APOLD1: variants seen among roughly 807,000 people sequenced by gnomAD.
APOLD1 encodes apolipoprotein L domain-containing protein 1.
In APOLD1, 22 loss-of-function variants were observed where a neutral mutation model predicts 15.3. The ratio of observed to expected loss-of-function variants is 1.44; its 90% confidence interval spans 1.03 to 2.05. The LOEUF is 2.05. APOLD1 is among the 30% of genes most tolerant of loss of function. The probability of loss-of-function intolerance (pLI) is 0.00; values close to 1 mark genes in which losing one functional copy is unlikely to be tolerated. For missense variants in APOLD1, 394 were observed against 353.5 expected, an observed-to-expected ratio of 1.11 and a Z score of -0.92; for synonymous variants, 190 against 167.4, an observed-to-expected ratio of 1.13 and a Z score of -1.04.
intron 1 of APOLD1, among the ~76,000 whole-genome samples, chr12:12,779,430 A>T (rs1027814387): frequency 6.6e-6 from 1 of 152,186 alleles, no homozygotes; most frequent in African/African-American, 2.4e-5. Flanking sequence ...AATCGAACAA[A>T]TTAAACATTA....
At chr12:12,740,382 G>A (rs920371089) in intron 1 of APOLD1, among the ~76,000 whole-genome samples, 1 of 152,342 alleles carries the variant, frequency 6.6e-6, no homozygotes. Flanking sequence ...CTCCCAAGGT[G>A]CTGGGATTAC....
At chr12:12,772,033 T>C (rs1014672896) in intron 1 of APOLD1, among the ~76,000 whole-genome samples, 20 of 151,856 alleles carry the variant, frequency 1.3e-4, no homozygotes, top group Non-Finnish European at 1.6e-4. Context: ...AAACGCTCAA[T>C]TGTAACAACA....
Position 12,787,496 on chromosome 12 carries a change from C to A in APOLD1, c.591C>A (p.Ala197=). Residue 197 remains alanine (A), a synonymous_variant, in exon 2 of 2, where the codon GCC becomes GCA. Coordinates refer to ENST00000356591, the MANE Select transcript of APOLD1 (RefSeq NM_030817.3). This position sits in a 1 kb window ranked among gnomAD's most constrained non-coding sequence, Gnocchi z 4.9. ...AGGTTAGCCAGGCCGTGCTGAAGGC[C>A]AAGATTCAGAAACTGGCCGAGAGCC... ...DTKVSQAVLK[A]KIQKLAESLE... 1.2e-6 allele frequency: 2 copies of A among 1,614,124 alleles called. No individual in the cohort carries two copies. Among genetic ancestry groups the A allele is most frequent in the Non-Finnish European group, 1.7e-6 (2 of 1,180,046 alleles).
chr12:12,769,679 T>A (rs895628855), intron 1 of APOLD1, among the ~76,000 whole-genome samples: 1 of 152,208 alleles, frequency 6.6e-6, no homozygotes, highest in African/African-American at 2.4e-5. Context: ...AGAAATTACT[T>A]AACTGGAGCC....
rs1325673420 is a variant in APOLD1 at position 12,789,198 on chromosome 12, G to A, written c.*1546G>A. 1.3e-5 allele frequency: 2 copies of A among 152,188 alleles called. No homozygotes were observed. The highest frequency in any genetic ancestry group is 4.8e-5 in the African/African-American group (2 of 41,438). 9.4% of individuals were successfully genotyped at this position (152,188 alleles called of 1,614,324 possible). A position where few individuals can be genotyped will look rare whatever the true frequency, so the allele number is the denominator to read the frequency against. On this transcript the variant is annotated 3_prime_UTR_variant, in exon 2 of 2. Transcript: ENST00000356591. ...AAATAATAAGAGCAAGTTTCTAAAT[G>A]GGAGACTGCTGAGGCTCTTTGCAAG...
intron 1 of APOLD1, among the ~76,000 whole-genome samples, chr12:12,731,481 C>T (rs1009297224): frequency 6.6e-6 from 1 of 152,180 alleles, no homozygotes; most frequent in South Asian, 2.1e-4. Context: ...GTAGCACATA[C>T]ACCCACATAC....
chr12:12,729,742 A>G (rs1946621693), intron 1 of APOLD1, among the ~76,000 whole-genome samples: 1 of 152,054 alleles, frequency 6.6e-6, no homozygotes, highest in African/African-American at 2.4e-5. Context: ...ACTGCACTCC[A>G]GCCTGGCAGC....
Position 12,787,373 on chromosome 12 carries a change from G to A in APOLD1, c.468G>A (p.Gly156=). 6.2e-7 allele frequency: 1 copy of A among 1,614,156 alleles called. No homozygotes were observed. The highest frequency in any genetic ancestry group is 8.5e-7 in the Non-Finnish European group (1 of 1,180,034). The change falls in exon 2 of 2, where the codon GGG becomes GGA. Residue 156 remains glycine, a synonymous_variant. Transcript: ENST00000356591. This position sits in a 1 kb window ranked among gnomAD's most constrained non-coding sequence, Gnocchi z 4.9. ...GCGDRQLLQC[G]RNASIALYNS... Reference sequence around the variant, plus strand: ...GGGACCGCCAGCTGCTGCAGTGCGGGAGGAACGCCTCCATCGCCCTGTACA... The same window carrying A: ...GGGACCGCCAGCTGCTGCAGTGCGGAAGGAACGCCTCCATCGCCCTGTACA...
At chr12:12,733,639 G>A (rs1592288553) in intron 1 of APOLD1, among the ~76,000 whole-genome samples, 1 of 152,140 alleles carries the variant, frequency 6.6e-6, no homozygotes, top group Admixed American at 6.6e-5. Context: ...GTTTCGCTCT[G>A]TTGCCGAGGC....
intron 1 of APOLD1, among the ~76,000 whole-genome samples, chr12:12,751,591 T>A (rs1169596453): frequency 6.6e-6 from 1 of 150,834 alleles, no homozygotes; most frequent in Non-Finnish European, 1.5e-5. Flanking sequence ...CCTCGAATGA[T>A]CCACCCACCT....
At chr12:12,728,131 G>C (rs1417130016) in intron 1 of APOLD1, among the ~76,000 whole-genome samples, 1 of 148,524 alleles carries the variant, frequency 6.7e-6, no homozygotes, top group African/African-American at 2.5e-5. Context: ...ACATCCAGCA[G>C]TTTTTTTTTT....
intron 1 of APOLD1, among the ~76,000 whole-genome samples, chr12:12,749,457 A>G (rs1946790711): frequency 6.6e-6 from 1 of 152,216 alleles, no homozygotes; most frequent in Admixed American, 6.5e-5. Context: ...TTTTCTGCCC[A>G]GCAGATGGGC....
At chr12:12,733,615 T>C (rs1261561792) in intron 1 of APOLD1, among the ~76,000 whole-genome samples, 1 of 152,230 alleles carries the variant, frequency 6.6e-6, no homozygotes, top group Non-Finnish European at 1.5e-5. Context: ...TTTTTTCTTT[T>C]TTTTTGAGAC....
chr12:12,770,885 A>G (rs950534186), intron 1 of APOLD1, among the ~76,000 whole-genome samples: 1 of 152,120 alleles, frequency 6.6e-6, no homozygotes, highest in Non-Finnish European at 1.5e-5. Context: ...AAAATCTTAT[A>G]GAGAAGAAAA....
chr12:12,764,713 A>G, intron 1 of APOLD1: 2 of 506,658 alleles, frequency 3.9e-6, no homozygotes, highest in Admixed American at 2.0e-5. Flanking sequence ...TACAGTAGGA[A>G]TGTTCCTTCT....
intron 1 of APOLD1, among the ~76,000 whole-genome samples, chr12:12,739,369 G>A (rs1406297958): frequency 2.6e-5 from 4 of 152,308 alleles, no homozygotes; most frequent in African/African-American, 9.6e-5. Flanking sequence ...AAGCTGGAAC[G>A]GGAAAGAGTA....
At chr12:12,777,222 C>T (rs534235867) in intron 1 of APOLD1, among the ~76,000 whole-genome samples, 3 of 152,340 alleles carry the variant, frequency 2.0e-5, no homozygotes, top group African/African-American at 7.2e-5. Context: ...ATTCACCCCT[C>T]TTCTCCCTGC....
rs1947178427 is a variant in APOLD1 at position 12,790,695 on chromosome 12, A to G, written c.*3043A>G. 1 of 152,258 alleles carries G rather than the reference A, an allele frequency of 6.6e-6. No homozygotes were observed. The highest frequency in any genetic ancestry group is 6.5e-5 in the Admixed American group (1 of 15,280). The allele number at this position is 152,258 out of a possible 1,614,324, so 9.4% of individuals were successfully genotyped here. A position where few individuals can be genotyped will look rare whatever the true frequency, so the allele number is the denominator to read the frequency against. ...ACTCAAGAAATACATTTGAATAATT[A>G]TAATTAACTGTTTAGCTATCTTAAT... On this transcript the variant is annotated 3_prime_UTR_variant, in exon 2 of 2. Coordinates refer to ENST00000356591, the MANE Select transcript of APOLD1 (RefSeq NM_030817.3).
Position 12,779,985 on chromosome 12 carries a change from T to C in APOLD1, c.97-6924T>C, listed in dbSNP as rs145560444. ...ATAATACTTGAGATTCCATGCAATA[T>C]AGATATCCTAGAGGTCTTCTGCAGA... On this transcript the variant is annotated intron_variant, in intron 1 of 1. Transcript: ENST00000326765. 7.6e-4 allele frequency among the ~76,000 whole-genome samples: 115 copies of C among 152,278 alleles called. 1 individual carries two copies. Among genetic ancestry groups the C allele is most frequent in the African/African-American group, 2.6e-3 (107 of 41,564 alleles).
Sources: allele counts gnomAD v4.1 joint callset (sites outside exome capture counted in the v4.1 genomes callset), GRCh38; gene constraint gnomAD v4.1.1; non-coding constraint Gnocchi (gnomAD v3.1); transcripts MANE v1.5; gene names NCBI Gene and HGNC (gene_info 2026-07-23, HGNC 2026-07-21).